Variants in C2CD3 observed in about 807,000 individuals in gnomAD.
The protein encoded by C2CD3 is C2 domain containing 3 centriole elongation regulator.
C2CD3 carries 148 observed loss-of-function variants against 234.0 expected under a neutral mutation model. That is an observed-to-expected ratio of 0.63 (90% CI 0.55 to 0.72). The LOEUF is 0.72. Among genes scored for constraint, C2CD3 ranks in the 30% least tolerant of loss-of-function variants. The pLI is 0.00. For missense variants in C2CD3, 2,577 were observed against 2,811.5 expected (o/e 0.92, Z 1.89); for synonymous variants, 1,000 against 1,035.4 (o/e 0.97, Z 0.66).
In C2CD3 at chr11:74,017,885, T is replaced by G. The variant is rs576906662; in HGVS notation, c.6922-4360A>C. On this transcript the variant is annotated intron_variant, in intron 32 of 32. Transcript: ENST00000334126. ...GGTTCTCTTCACTCCAGCCCCCAGA[T>G]GGATTCCTCGAACAGGCCACATGCT... 2.5e-4 allele frequency among the ~76,000 whole-genome samples: 38 copies of G among 152,336 alleles called. No homozygotes were observed. The South Asian group carries it at 7.9e-3, about 32-fold the overall frequency.
chr11:74,075,282 C>G (rs1435709936), intron 23 of C2CD3, among the ~76,000 whole-genome samples: 1 of 149,412 alleles, frequency 6.7e-6, no homozygotes, highest in Non-Finnish European at 1.5e-5. Flanking sequence ...GTCTCATGGG[C>G]TCCTGTTTTT....
intron 11 of C2CD3, chr11:74,113,416 T>C: frequency 3.8e-6 from 1 of 260,586 alleles, no homozygotes; most frequent in Non-Finnish European, 7.5e-6. Context: ...TGATGGCTTA[T>C]GCCTGTAATC....
At chr11:74,160,463 T>C (rs1173157348) in intron 3 of C2CD3, among the ~76,000 whole-genome samples, 2 of 152,080 alleles carry the variant, frequency 1.3e-5, no homozygotes, top group African/African-American at 2.4e-5. Flanking sequence ...GAGGACATTA[T>C]GTTAAATGAA....
At chr11:74,085,005 T>TG (rs1009750333) in intron 21 of C2CD3, 35 bp from the exon 22 acceptor site, 1 of 1,241,420 alleles carries the variant, frequency 8.1e-7, no homozygotes, top group African/African-American at 1.5e-5. Flanking sequence ...AATTATTTGA[T>TG]GGTCTATTCA....
intron 24 of C2CD3, among the ~76,000 whole-genome samples, chr11:74,060,671 C>A (rs1004833427): frequency 1.3e-5 from 2 of 152,170 alleles, no homozygotes; most frequent in Non-Finnish European, 1.5e-5. Context: ...TGGGGAGAAA[C>A]CAGAGCAGAA....
At chr11:74,159,979 G>C (rs1028887228) in intron 3 of C2CD3, among the ~76,000 whole-genome samples, 3 of 152,020 alleles carry the variant, frequency 2.0e-5, no homozygotes, top group East Asian at 1.9e-4. Flanking sequence ...TTATTTTTAT[G>C]TACTTTTTCT....
intron 24 of C2CD3, among the ~76,000 whole-genome samples, chr11:74,063,322 C>T (rs1490098486): frequency 2.0e-5 from 3 of 152,250 alleles, no homozygotes; most frequent in Non-Finnish European, 4.4e-5. Flanking sequence ...AGAAACACAA[C>T]AGAAAAAGAG....
At chr11:74,045,578 T>G (rs927904715) in intron 28 of C2CD3, among the ~76,000 whole-genome samples, 6 of 45,610 alleles carry the variant, frequency 1.3e-4, no homozygotes, top group African/African-American at 3.5e-4. Flanking sequence ...TTTTCTTTCC[T>G]TTTTTTTTTG....
intron 17 of C2CD3, 69 bp from the exon 18 acceptor site, chr11:74,094,068 C>T: frequency 3.9e-6 from 5 of 1,294,492 alleles, no homozygotes; most frequent in Non-Finnish European, 5.5e-6. Context: ...CTTTCATGTT[C>T]TTCCAGTGAA....
In C2CD3 at chr11:74,084,006, C is replaced by T. The variant is rs181643623; in HGVS notation, c.4000+875G>A. Among the ~76,000 whole-genome samples, 721 of 152,220 alleles carry T rather than the reference C, an allele frequency of 4.7e-3. 4 individuals carry two copies. The highest frequency in any genetic ancestry group is 0.017 in the African/African-American group (695 of 41,506). ...GACACATGCATATGTATGTTTATTG[C>T]GGCACTATTCACAATAGCAAAGACT... On this transcript the variant is annotated intron_variant, in intron 22 of 32. Coordinates refer to ENST00000334126, the MANE Select transcript of C2CD3 (RefSeq NM_001286577.2).
chr11:74,015,341 T>C (rs1951840684), intron 32 of C2CD3, among the ~76,000 whole-genome samples: 1 of 152,252 alleles, frequency 6.6e-6, no homozygotes, highest in Non-Finnish European at 1.5e-5. Context: ...CCAGTGGTTG[T>C]TGTCCTACCA....
chr11:74,034,725 G>A, intron 30 of C2CD3: 3 of 842,138 alleles, frequency 3.6e-6, no homozygotes, highest in Non-Finnish European at 5.9e-6. Flanking sequence ...CATATGATAA[G>A]GCAGGGAAGA....
intron 24 of C2CD3, among the ~76,000 whole-genome samples, chr11:74,058,609 T>C (rs1954068288): frequency 6.6e-6 from 1 of 152,148 alleles, no homozygotes. Context: ...TTCTAAACTG[T>C]CTCCTATATT....
In C2CD3 at chr11:74,118,428, G is replaced by A. The variant is rs377662770; in HGVS notation, c.1366-46C>T. 2.4e-5 allele frequency: 36 copies of A among 1,488,512 alleles called. No homozygotes were observed. The African/African-American group carries it at 4.7e-4, about 20-fold the overall frequency. The allele number at this position is 1,488,512 out of a possible 1,614,324, so 92.2% of individuals were successfully genotyped here. On this transcript the variant is annotated intron_variant, in intron 8 of 32. Transcript: ENST00000334126. ...AGACACTAAATGACTGCTGCTTTGG[G>A]AATTGTAGCTACGAAACATTTCTCT...
At chr11:74,026,533 A>G (rs1186359652) in intron 32 of C2CD3, among the ~76,000 whole-genome samples, 2 of 152,102 alleles carry the variant, frequency 1.3e-5, no homozygotes, top group African/African-American at 2.4e-5. Context: ...CCCATTTTTC[A>G]TTAATGTGGC....
chr11:74,092,660 C>T, intron 18 of C2CD3, 72 bp from the exon 19 acceptor site: 1 of 1,247,388 alleles, frequency 8.0e-7, no homozygotes, highest in Non-Finnish European at 1.1e-6. Context: ...CACAGATCAG[C>T]CTTCACTACC....
At chr11:74,055,037 G>A (rs921385502) in intron 25 of C2CD3, among the ~76,000 whole-genome samples, 7 of 152,234 alleles carry the variant, frequency 4.6e-5, no homozygotes, top group African/African-American at 1.7e-4. Flanking sequence ...AGAATGGAGA[G>A]AAGGGAAGAG....
rs185037500 is a variant in C2CD3 at position 74,118,215 on chromosome 11, C to G, written c.1520+13G>C. 2.9e-5 allele frequency: 47 copies of G among 1,606,108 alleles called. No homozygotes were observed. The African/African-American group carries it at 5.6e-4, about 19-fold the overall frequency. ...TTGTGTTTACCTTTAAATAAACAGT[C>G]AGAGCAGCTCACCTATTTCTCTTGC... is the stretch of plus-strand genomic sequence containing the variant. On this transcript the variant is annotated intron_variant, in intron 9 of 32. Coordinates refer to ENST00000334126, the MANE Select transcript of C2CD3 (RefSeq NM_001286577.2).
intron 13 of C2CD3, among the ~76,000 whole-genome samples, chr11:74,104,213 GA>G (rs1565298450): frequency 1.3e-5 from 2 of 152,106 alleles, no homozygotes; most frequent in Non-Finnish European, 2.9e-5. Flanking sequence ...GAAAAATAAA[GA>G]AAGGCTGCAG....
Sources: gnomAD v4.1 joint callset for allele counts (sites outside exome capture counted in the v4.1 genomes callset) on GRCh38, gnomAD v4.1.1 for gene constraint, MANE v1.5 for transcripts, NCBI Gene and HGNC (gene_info 2026-07-23, HGNC 2026-07-21) for gene names.